Variants in PCNX2 observed in about 807,000 individuals in gnomAD.
PCNX2 encodes the protein pecanex-like protein 2.
Under a neutral mutation model 223.8 loss-of-function variants are expected in PCNX2, and 168 were observed. The ratio of observed to expected loss-of-function variants is 0.75; its 90% CI spans 0.66 to 0.85. The LOEUF is 0.85. Among genes scored for constraint, PCNX2 ranks in the 40% least tolerant of loss-of-function variants. The pLI is 0.00. For missense variants in PCNX2, 2,507 were observed against 2,675.5 expected (o/e 0.94, Z 1.39); for synonymous variants, 1,006 against 1,052.6 (o/e 0.96, Z 0.86).
At chr1:233,177,103 T>C (rs1006777029) in intron 17 of PCNX2, among the ~76,000 whole-genome samples, 1 of 152,186 alleles carries the variant, frequency 6.6e-6, no homozygotes, top group Non-Finnish European at 1.5e-5. Flanking sequence ...TAGGAATAAA[T>C]AGTAACTTCT....
At position 232,990,650 on chromosome 1, in the gene PCNX2, C is replaced by T. The variant is rs1341987453; in HGVS notation, c.5792-4110G>A. ...GTCTGCTGAGCCCAGATCATGCTTA[C>T]CACCCAGCCCAGCACCTCAGAGGTT... On this transcript the variant is annotated intron_variant, in intron 32 of 33. Coordinates refer to ENST00000258229, the MANE Select transcript of PCNX2 (RefSeq NM_014801.4). This position sits in a 1 kb window ranked among gnomAD's most constrained non-coding sequence, Gnocchi z 4.3. Among the ~76,000 whole-genome samples, 8 of 152,184 alleles carry T rather than the reference C, an allele frequency of 5.3e-5. No homozygotes were observed. Among genetic ancestry groups the T allele is most frequent in the Non-Finnish European group, 1.0e-4 (7 of 68,034 alleles).
At chr1:233,063,998 T>A (rs867406067) in intron 23 of PCNX2, among the ~76,000 whole-genome samples, 1 of 152,148 alleles carries the variant, frequency 6.6e-6, no homozygotes, top group South Asian at 2.1e-4. Context: ...CATAACATCT[T>A]GGCCTTTTAG....
chr1:233,090,815 T>G (rs1341858485), intron 22 of PCNX2, among the ~76,000 whole-genome samples: 1 of 152,230 alleles, frequency 6.6e-6, no homozygotes, highest in Non-Finnish European at 1.5e-5. Flanking sequence ...TTAGGCATTC[T>G]TATATGAGTT....
At chr1:233,084,468 G>A (rs948609800) in intron 23 of PCNX2, among the ~76,000 whole-genome samples, 2 of 152,106 alleles carry the variant, frequency 1.3e-5, no homozygotes, top group African/African-American at 4.8e-5. Context: ...AAACCAATCT[G>A]GATAGAATTC....
At chr1:233,291,142 C>T (rs1473582781) in intron 1 of PCNX2, 3 of 962,926 alleles carry the variant, frequency 3.1e-6, no homozygotes, top group African/African-American at 3.5e-5. Flanking sequence ...GCTACAGGAC[C>T]TCAGCTAAAT....
chr1:233,037,505 T>TCTTTCTTA (rs2102853071), intron 25 of PCNX2, among the ~76,000 whole-genome samples: 1 of 151,886 alleles, frequency 6.6e-6, no homozygotes, highest in Admixed American at 6.6e-5. Flanking sequence ...TGATTGATTT[T>TCTTTCTTA]CTTTCTTTCT....
chr1:233,150,810 G>A (rs1677752430), intron 19 of PCNX2, among the ~76,000 whole-genome samples: 1 of 152,030 alleles, frequency 6.6e-6, no homozygotes. Flanking sequence ...CAAAAAGCGG[G>A]AGAAACTCGG....
intron 10 of PCNX2, among the ~76,000 whole-genome samples, chr1:233,223,528 G>T (rs1657517738): frequency 6.6e-6 from 1 of 152,104 alleles, no homozygotes; most frequent in African/African-American, 2.4e-5. Context: ...ATGTGCCATG[G>T]TGGTTTGCTG....
At chr1:233,138,119 T>C (rs944793711) in intron 20 of PCNX2, among the ~76,000 whole-genome samples, 6 of 152,196 alleles carry the variant, frequency 3.9e-5, no homozygotes, top group African/African-American at 1.2e-4. Flanking sequence ...GCATCAGGAA[T>C]AGAAAGGAAT....
In PCNX2 at chr1:233,263,001, T is replaced by C; in HGVS notation, c.316A>G (p.Lys106Glu). The change falls in exon 2 of 34, where the codon AAG becomes GAG. Residue 106 changes from lysine to glutamate, a missense_variant. Physicochemically the swap from Lys to Glu is moderately conservative, Grantham distance 56 (BLOSUM62 1). Coordinates refer to ENST00000258229, the MANE Select transcript of PCNX2 (RefSeq NM_014801.4). ...GTTATGTGTTCACCTTTGGCCTCCTTGTCTTTATTTGGCTTTTCTTCCTTT... is the reference window on the plus strand; with the variant it reads ...GTTATGTGTTCACCTTTGGCCTCCTCGTCTTTATTTGGCTTTTCTTCCTTT... ...SRKEEKPNKD[K>E]EAKGEHITNH... 1 of 1,613,794 alleles carries C rather than the reference T, an allele frequency of 6.2e-7. No individual in the cohort carries two copies. Among genetic ancestry groups the C allele is most frequent in the Non-Finnish European group, 8.5e-7 (1 of 1,179,820 alleles).
At chr1:233,058,874 A>G (rs1353984473) in intron 23 of PCNX2, among the ~76,000 whole-genome samples, 3 of 152,052 alleles carry the variant, frequency 2.0e-5, no homozygotes, top group Non-Finnish European at 2.9e-5. Context: ...CATGTTGACC[A>G]GGATGGTCTC....
rs1244208384 is a variant in PCNX2 at position 233,025,229 on chromosome 1, C to G, written c.4522G>C (p.Gly1508Arg). ...GCGTTGTTGTCCAGGATGCTGTAGC[C>G]CTCCAGGATGTACTGGGTCTGCGTG... ...EITQTQYILE[G>R]YSILDNNAAT... Residue 1508 changes from glycine (G) to arginine (R), a missense_variant, in exon 26 of 34, where the codon GGC (glycine) becomes CGC (arginine). Coordinates refer to ENST00000258229, the MANE Select transcript of PCNX2 (RefSeq NM_014801.4). 1 of 1,613,858 alleles carries G rather than the reference C, an allele frequency of 6.2e-7. No individual in the cohort carries two copies. Among genetic ancestry groups the G allele is most frequent in the Admixed American group, 1.7e-5 (1 of 59,986 alleles).
chr1:233,128,051 T>G (rs1384644508), intron 21 of PCNX2, among the ~76,000 whole-genome samples: 1 of 152,202 alleles, frequency 6.6e-6, no homozygotes, highest in Non-Finnish European at 1.5e-5. Flanking sequence ...TCAAATAACT[T>G]GAACACCCAG....
intron 1 of PCNX2, among the ~76,000 whole-genome samples, chr1:233,292,742 G>A (rs1274487853): frequency 1.3e-5 from 2 of 151,862 alleles, no homozygotes; most frequent in Non-Finnish European, 2.9e-5. Flanking sequence ...TGGGGAAGAG[G>A]GCCTTTTATT....
chr1:233,273,965 T>C (rs1386908173), intron 1 of PCNX2, among the ~76,000 whole-genome samples: 1 of 152,172 alleles, frequency 6.6e-6, no homozygotes, highest in Non-Finnish European at 1.5e-5. Context: ...TTGTGTAAGA[T>C]GTTTAGCTTC....
chr1:233,202,724 G>A (rs532347219), intron 13 of PCNX2, among the ~76,000 whole-genome samples: 7 of 152,092 alleles, frequency 4.6e-5, no homozygotes, highest in African/African-American at 4.8e-5. Flanking sequence ...TACAGTCTCC[G>A]TTATTGAAGA....
chr1:233,192,662 T>C (rs911787727), intron 15 of PCNX2, among the ~76,000 whole-genome samples: 11 of 152,034 alleles, frequency 7.2e-5, no homozygotes, highest in African/African-American at 2.7e-4. Context: ...AGTCTCAACT[T>C]TAAAGCTAAG....
intron 23 of PCNX2, chr1:233,058,375 T>C (rs1271317632): frequency 6.6e-6 from 1 of 152,254 alleles, no homozygotes; most frequent in Admixed American, 6.5e-5. Flanking sequence ...CAGCCTACCT[T>C]TGTCCTTTTA....
chr1:233,300,616 C>T (rs1662243131), upstream of PCNX2, among the ~76,000 whole-genome samples: 1 of 152,194 alleles, frequency 6.6e-6, no homozygotes. Flanking sequence ...GTACAATCCC[C>T]TAATGTGCTT....
Sources: gnomAD v4.1 joint callset for allele counts (sites outside exome capture counted in the v4.1 genomes callset) on GRCh38, gnomAD v4.1.1 for gene constraint, Gnocchi (gnomAD v3.1) non-coding constraint, MANE v1.5 for transcripts, NCBI Gene and HGNC (gene_info 2026-07-23, HGNC 2026-07-21) for gene names.